The following VHL variants were observed in gnomAD, a reference collection of about 807,000 sequenced individuals.
VHL encodes von Hippel-Lindau disease tumor suppressor.
A neutral mutation model predicts 19.2 loss-of-function variants in VHL; 10 were observed. The ratio of observed to expected loss-of-function variants is 0.52; its 90% CI spans 0.32 to 0.89. The LOEUF (loss-of-function observed/expected upper bound fraction) is 0.89. VHL is among the 40% of genes least tolerant of loss of function. The probability of loss-of-function intolerance (pLI) is 0.03; values close to 1 mark genes in which losing one functional copy is unlikely to be tolerated. For synonymous variants in VHL, 167 were observed against 129.5 expected (o/e 1.29, Z -1.97); for missense variants, 328 against 292.7 (o/e 1.12, Z -0.88).
chr3:10,142,390 G>A (rs776975601), intron 1 of VHL, among the ~76,000 whole-genome samples: 72 of 126,388 alleles, frequency 5.7e-4, no homozygotes, highest in Non-Finnish European at 9.1e-4. Context: ...CTGTCGCCCA[G>A]GCTGGAGTGC....
rs367615363 is a variant in VHL at position 10,146,173 on chromosome 3, C to CTT, written c.341-325_341-324dup. On this transcript the variant is annotated intron_variant, in intron 1 of 2. Transcript: ENST00000256474. ...TGCCCTGACTCAGACCAGTCTGGCT[C>CTT]TTTTTTTTTTTTTTTTTGGAGACGG... is the stretch of plus-strand genomic sequence containing the variant. Among the ~76,000 whole-genome samples the CTT allele has an allele frequency of 4.5e-3, 593 of 131,524 alleles. 16 individuals carry two copies. The East Asian group carries it at 0.08, about 18-fold the overall frequency. 86.3% of individuals were successfully genotyped at this position (131,524 alleles called of 152,430 possible). A position where few individuals can be genotyped will look rare whatever the true frequency, so the allele number is the denominator to read the frequency against.
chr3:10,142,457 T>G, intron 1 of VHL: 1 of 490,668 alleles, frequency 2.0e-6, no homozygotes, highest in Non-Finnish European at 3.6e-6. Context: ...GCGATTCTCC[T>G]GCCTCAGCCT....
chr3:10,145,503 A>G (rs1337778467), intron 1 of VHL, among the ~76,000 whole-genome samples: 1 of 152,052 alleles, frequency 6.6e-6, no homozygotes, highest in Non-Finnish European at 1.5e-5. Context: ...CAGGAGATTG[A>G]GACCATCCTG....
intron 1 of VHL, among the ~76,000 whole-genome samples, chr3:10,145,860 CTT>C (rs1696242871): frequency 6.6e-6 from 1 of 152,032 alleles, no homozygotes; most frequent in Admixed American, 6.6e-5. Flanking sequence ...GGCTTTTTCT[CTT>C]TAGTTTGCAG....
rs1223483129 is a variant in VHL, at chr3:10,152,470, C to G, written c.*2505C>G. Among the ~76,000 whole-genome samples, 2 of 142,702 alleles carry G rather than the reference C, an allele frequency of 1.4e-5. No individual in the cohort carries two copies. Among genetic ancestry groups the G allele is most frequent in the Middle Eastern group, 3.8e-3 (1 of 260 alleles). 93.6% of individuals were successfully genotyped at this position (142,702 alleles called of 152,430 possible). A position where few individuals can be genotyped will look rare whatever the true frequency, so the allele number is the denominator to read the frequency against. ...GATTTTAGCTCCTCCTTTCAACATTCAACAAATAGTCTTTTTTTTTTTTTT... is the reference window on the plus strand; with the variant it reads ...GATTTTAGCTCCTCCTTTCAACATTGAACAAATAGTCTTTTTTTTTTTTTT... On this transcript the variant is annotated 3_prime_UTR_variant, in exon 3 of 3. Transcript: ENST00000256474.
rs271992 is a variant in VHL, at chr3:10,148,525, G to A, written c.464-1262G>A. 7.9e-5 allele frequency among the ~76,000 whole-genome samples: 12 copies of A among 150,966 alleles called. 1 individual carries two copies. In the South Asian group the frequency reaches 1.1e-3, roughly 13 times the overall value. On this transcript the variant is annotated intron_variant, in intron 2 of 2. Coordinates refer to ENST00000256474, the MANE Select transcript of VHL (RefSeq NM_000551.4). ...GAGACGGGGTTTCACCGTTTTAGCCGGGATGGTCTCGATCTCCTGACCTCG... is the reference window on the plus strand; with the variant it reads ...GAGACGGGGTTTCACCGTTTTAGCCAGGATGGTCTCGATCTCCTGACCTCG...
chr3:10,143,059 G>C (rs1696166259), intron 1 of VHL: 1 of 152,182 alleles, frequency 6.6e-6, no homozygotes, highest in Non-Finnish European at 1.5e-5. Flanking sequence ...GAGACCTGGA[G>C]TCTTGGGAGA....
intron 1 of VHL, 21 bp downstream of exon 1, chr3:10,142,208 CCCGACCCA>C: frequency 6.3e-7 from 1 of 1,592,854 alleles, no homozygotes; most frequent in South Asian, 1.1e-5. Context: ...GGCGCTTAGG[CCCGACCCA>C]GCAGGGACGA....
intron 1 of VHL, 56 bp from the exon 2 acceptor site, chr3:10,146,458 G>T (rs1277620415): frequency 5.2e-5 from 83 of 1,607,576 alleles, no homozygotes; most frequent in Non-Finnish European, 6.7e-5. Context: ...ACAGGTGTGG[G>T]CCACCGTGCC....
chr3:10,147,850 G>A (rs1050228802), intron 2 of VHL, among the ~76,000 whole-genome samples: 5 of 152,120 alleles, frequency 3.3e-5, no homozygotes. Context: ...CCAGCACTTA[G>A]GGAGGCTATG....
intron 2 of VHL, among the ~76,000 whole-genome samples, chr3:10,148,594 G>A (rs867553601): frequency 3.3e-5 from 5 of 151,696 alleles, no homozygotes; most frequent in Non-Finnish European, 7.4e-5. Flanking sequence ...GATTACAGGC[G>A]TGAGCCACCG....
chr3:10,152,060 CA>C lies in VHL; in HGVS notation c.*2117del, dbSNP rs757106274. 0.65 allele frequency: 57,459 copies of C among 88,858 alleles called. 19,514 individuals are homozygous for C. Among genetic ancestry groups the C allele is most frequent in the Non-Finnish European group, 0.78 (33,639 of 43,188 alleles). The allele number at this position is 88,858 out of a possible 1,614,324, so 5.5% of individuals were successfully genotyped here. ...TGGGGGACAGAGCAAGACCCTGCCT[CA>C]AAAAAAAAAAAAAAAAAAAAATCAG... On this transcript the variant is annotated 3_prime_UTR_variant, in exon 3 of 3. Coordinates refer to ENST00000256474, the MANE Select transcript of VHL (RefSeq NM_000551.4).
chr3:10,149,046 G>T (rs949572173), intron 2 of VHL, among the ~76,000 whole-genome samples: 47 of 151,406 alleles, frequency 3.1e-4, no homozygotes, highest in Non-Finnish European at 1.2e-4. Flanking sequence ...GGTGGTAGTC[G>T]TTGGTGTGGC....
At chr3:10,144,920 A>C (rs1420500624) in intron 1 of VHL, among the ~76,000 whole-genome samples, 1 of 152,214 alleles carries the variant, frequency 6.6e-6, no homozygotes. Context: ...AATGCACTGA[A>C]TTGTACATTT....
At chr3:10,149,066 C>T (rs1448187241) in intron 2 of VHL, among the ~76,000 whole-genome samples, 1 of 150,748 alleles carries the variant, frequency 6.6e-6, no homozygotes, top group African/African-American at 2.4e-5. Context: ...CTGCCTTTTG[C>T]TGGCAGCTGG....
Position 10,142,183 on chromosome 3 carries a change from C to T in VHL, c.336C>T (p.Tyr112=), listed in dbSNP as rs751232153. The change falls in exon 1 of 3, where the codon TAC becomes TAT. Residue 112 remains tyrosine, a synonymous_variant. Transcript: ENST00000256474. ...GCACGGGCCGCCGCATCCACAGCTA[C>T]CGAGGTACGGGCCCGGCGCTTAGGC... ...PPGTGRRIHS[Y]RGHLWLFRDA... The T allele has an allele frequency of 4.4e-6, 7 of 1,597,942 alleles. No individual in the cohort carries two copies. The South Asian group carries it at 5.5e-5, about 13-fold the overall frequency.
At chr3:10,144,433 GC>G (rs1260596645) in intron 1 of VHL, among the ~76,000 whole-genome samples, 2 of 151,598 alleles carry the variant, frequency 1.3e-5, no homozygotes, top group Admixed American at 1.3e-4. Flanking sequence ...CTATGATGGT[GC>G]CTCTGAATAG....
intron 1 of VHL, among the ~76,000 whole-genome samples, chr3:10,143,837 G>A (rs1389530190): frequency 6.6e-6 from 1 of 152,224 alleles, no homozygotes; most frequent in Non-Finnish European, 1.5e-5. Context: ...GTTTGGAGGG[G>A]AAAGACTGCT....
chr3:10,147,785 C>T (rs1696299387), intron 2 of VHL, among the ~76,000 whole-genome samples: 1 of 151,788 alleles, frequency 6.6e-6, no homozygotes, highest in Non-Finnish European at 1.5e-5. Context: ...TAAAAAAAAC[C>T]TCACTAAAGA....
Sources: gnomAD v4.1 joint callset for allele counts (sites outside exome capture counted in the v4.1 genomes callset) on GRCh38, gnomAD v4.1.1 for gene constraint, MANE v1.5 for transcripts, NCBI Gene and HGNC (gene_info 2026-07-23, HGNC 2026-07-21) for gene names.